The following DMC1 variants were observed in gnomAD, a reference collection of about 807,000 sequenced individuals.
DMC1 encodes DNA meiotic recombinase 1, also known as meiotic recombination protein DMC1 homolog.
In DMC1, 27 loss-of-function variants were observed where a neutral mutation model predicts 50.1. The observed-to-expected ratio is 0.54, with a 90% CI of 0.40 to 0.74. DMC1 has a LOEUF of 0.74. Among genes scored for constraint, DMC1 ranks in the 30% least tolerant of loss-of-function variants. The pLI is 0.00. For synonymous variants in DMC1, 148 were observed against 136.1 expected (o/e 1.09, Z -0.61); for missense variants, 295 against 420.2 (o/e 0.70, Z 2.60).
At chr22:38,543,230 GTT>G (rs1234016755) in intron 8 of DMC1, among the ~76,000 whole-genome samples, 5 of 131,480 alleles carry the variant, frequency 3.8e-5, no homozygotes, top group Non-Finnish European at 3.3e-5. Flanking sequence ...CCTGTAAATT[GTT>G]TTTTTTTTTT....
rs150822994 is a variant in DMC1, at chr22:38,536,661, A to G, written c.836+931T>C. 6.6e-5 allele frequency among the ~76,000 whole-genome samples: 10 copies of G among 152,282 alleles called. No individual in the cohort carries two copies. In the East Asian group the frequency reaches 1.7e-3, roughly 26 times the overall value. On this transcript the variant is annotated intron_variant, in intron 12 of 13. Transcript: ENST00000216024. ...GTTTATTATACTGATAAGCTGCAATATAAGTTTTTATTTCCCTAGGATCTA... is the reference window on the plus strand; with the variant it reads ...GTTTATTATACTGATAAGCTGCAATGTAAGTTTTTATTTCCCTAGGATCTA...
chr22:38,562,345 C>G lies in DMC1; in HGVS notation c.268G>C (p.Glu90Gln), dbSNP rs748879481. Residue 90 changes from glutamate to glutamine, a missense_variant, in exon 5 of 14, where the codon GAG becomes CAG. By Grantham distance (29) the Glu-to-Gln change is conservative (BLOSUM62 2). Transcript: ENST00000216024. ...LIEPGFLTAF[E>Q]YSEKRKMVFH... ...ACCATTTTCCTCTTTTCACTATACT[C>G]AAATGCAGTCAAGAATCCTGGTTCC... The G allele has an allele frequency of 6.2e-7, 1 of 1,611,824 alleles. No homozygotes were observed. The highest frequency in any genetic ancestry group is 1.7e-5 in the Admixed American group (1 of 59,972).
intron 8 of DMC1, among the ~76,000 whole-genome samples, chr22:38,547,013 A>G (rs1041916912): frequency 1.3e-5 from 2 of 152,234 alleles, no homozygotes; most frequent in Non-Finnish European, 2.9e-5. Flanking sequence ...TGAACAAAGA[A>G]AACAAAAATC....
At chr22:38,516,508 C>T (rs2089977764), downstream of DMC1, among the ~76,000 whole-genome samples, 1 of 152,198 alleles carries the variant, frequency 6.6e-6, no homozygotes, top group South Asian at 2.1e-4. Flanking sequence ...TCCAGGGCTC[C>T]TCATACCAGG....
At chr22:38,518,368 TTTCTC>T (rs1243243335), downstream of DMC1, among the ~76,000 whole-genome samples, 1 of 152,206 alleles carries the variant, frequency 6.6e-6, no homozygotes, top group Non-Finnish European at 1.5e-5. Context: ...ATATTAGTCT[TTTCTC>T]TTAACTAGTG....
chr22:38,522,838 G>A (rs2090044076), intron 12 of DMC1, among the ~76,000 whole-genome samples: 1 of 152,164 alleles, frequency 6.6e-6, no homozygotes, highest in South Asian at 2.1e-4. Flanking sequence ...CTGTAGGTTG[G>A]TCGGGATAAG....
chr22:38,569,485 C>A (rs541013911), intron 1 of DMC1: 9 of 152,168 alleles, frequency 5.9e-5, no homozygotes, highest in Non-Finnish European at 1.3e-4. Context: ...CAACCGAGAC[C>A]GTTCGGATGG....
chr22:38,543,504 C>T (rs1271041959), intron 8 of DMC1, among the ~76,000 whole-genome samples: 1 of 152,168 alleles, frequency 6.6e-6, no homozygotes, highest in African/African-American at 2.4e-5. Context: ...GCTGGGATTA[C>T]AGGTGTGAGC....
Position 38,520,088 on chromosome 22 carries a change from G to T in DMC1, c.955C>A (p.Pro319Thr). The change falls in exon 14 of 14, where the codon CCT (proline) becomes ACT (threonine). Residue 319 changes from proline (P) to threonine (T), a missense_variant and splice_region_variant. Transcript: ENST00000216024. Reference protein sequence around the residue: ...ELRIAKIYDSPEMPENEATFA... With the variant: ...ELRIAKIYDSTEMPENEATFA... ...GTGGCTTCATTTTCAGGCATCTCAGGACTAACAGAATACAAGGGAACAGAA... is the reference window on the plus strand; with the variant it reads ...GTGGCTTCATTTTCAGGCATCTCAGTACTAACAGAATACAAGGGAACAGAA... 1.2e-6 allele frequency: 2 copies of T among 1,612,124 alleles called. No individual in the cohort carries two copies. Among genetic ancestry groups the T allele is most frequent in the South Asian group, 1.1e-5 (1 of 90,998 alleles).
intron 12 of DMC1, 90 bp from the exon 13 acceptor site, chr22:38,521,814 G>A: frequency 1.1e-6 from 1 of 910,812 alleles, no homozygotes; most frequent in Non-Finnish European, 1.8e-6. Context: ...TGTGGTGGAT[G>A]TCAGGAGTTG....
intron 5 of DMC1, among the ~76,000 whole-genome samples, chr22:38,558,613 G>T (rs890363886): frequency 2.0e-5 from 3 of 151,976 alleles, no homozygotes; most frequent in Non-Finnish European, 4.4e-5. Context: ...TACTCAGGAG[G>T]CTGAGGCAGG....
chr22:38,511,037 G>C, the DMC1 span, among the ~76,000 whole-genome samples: 1 of 152,212 alleles, frequency 6.6e-6, no homozygotes, highest in African/African-American at 2.4e-5. Context: ...GGGAGGCTGA[G>C]GCGGGAGGGT....
At position 38,562,308 on chromosome 22, in the gene DMC1, G is replaced by C. The variant is rs1569170426; in HGVS notation, c.305C>G (p.Thr102Ser). The change falls in exon 5 of 14, where the codon ACC (threonine) becomes AGC (serine). Residue 102 changes from threonine (T) to serine (S), a missense_variant. Transcript: ENST00000216024. ...SEKRKMVFHI[T>S]TGSQEFDKLL... is the part of the protein sequence containing the mutation. ...ATACTCAAATTCCTGGCTCCCGGTG[G>C]TGATATGGAAAACCATTTTCCTCTT... The C allele has an allele frequency of 1.2e-6, 2 of 1,611,404 alleles. No homozygotes were observed.
At chr22:38,539,238 T>A in intron 9 of DMC1, 83 bp downstream of exon 9, 1 of 982,156 alleles carries the variant, frequency 1.0e-6, no homozygotes, top group East Asian at 2.4e-5. Flanking sequence ...AAAAAAAGTA[T>A]CAAAATGTTG....
chr22:38,526,681 ATAAC>A (rs60675615), intron 12 of DMC1, among the ~76,000 whole-genome samples: 6,938 of 152,174 alleles, frequency 0.046, 272 homozygotes, highest in East Asian at 0.11. Flanking sequence ...AATAATAATA[ATAAC>A]TAAGATTTAC....
intron 5 of DMC1, among the ~76,000 whole-genome samples, chr22:38,559,351 T>C (rs1228469659): frequency 1.3e-5 from 2 of 151,732 alleles, no homozygotes; most frequent in Non-Finnish European, 1.5e-5. Flanking sequence ...TAATTTTTAG[T>C]AGAGACAGGG....
At chr22:38,555,245 A>G (rs11570404) in intron 6 of DMC1, 112 bp downstream of exon 6, 2 of 742,980 alleles carry the variant, frequency 2.7e-6, no homozygotes, top group African/African-American at 3.6e-5. Context: ...GTTCCAAAAT[A>G]CTTACAATTT....
chr22:38,567,188 A>AT (rs1272418798), intron 3 of DMC1, among the ~76,000 whole-genome samples: 1 of 152,030 alleles, frequency 6.6e-6, no homozygotes, highest in Admixed American at 6.6e-5. Context: ...TCTTGCTTCT[A>AT]TTTTCTAAAA....
chr22:38,557,055 G>A (rs532441688), intron 5 of DMC1, among the ~76,000 whole-genome samples: 6 of 152,258 alleles, frequency 3.9e-5, no homozygotes, highest in African/African-American at 1.4e-4. Context: ...AAATTCAGGG[G>A]TACATGTGCC....
Sources: allele counts gnomAD v4.1 joint callset (sites outside exome capture counted in the v4.1 genomes callset), GRCh38; gene constraint gnomAD v4.1.1; transcripts MANE v1.5; gene names NCBI Gene and HGNC (gene_info 2026-07-23, HGNC 2026-07-21).